CXXC5: variants seen among roughly 807,000 people sequenced by gnomAD.
CXXC5 encodes the protein CXXC-type zinc finger protein 5.
In CXXC5, 2 loss-of-function variants were observed where a neutral mutation model predicts 17.6. That is an observed-to-expected ratio of 0.11 (90% CI 0.05 to 0.36). The LOEUF (loss-of-function observed/expected upper bound fraction) is 0.36, where lower values mean the gene tolerates loss of function less well. Among genes scored for constraint, CXXC5 ranks in the 10% least tolerant of loss-of-function variants. The pLI is 1.00. For missense variants in CXXC5, 343 were observed against 458.3 expected, an observed-to-expected ratio of 0.75 and a Z score of 2.30; for synonymous variants, 171 against 193.0, an observed-to-expected ratio of 0.89 and a Z score of 0.94.
intron 1 of CXXC5, chr5:139,649,307 T>TGGGGCAGCGGGCGCC (rs1418603939): frequency 6.6e-6 from 1 of 151,776 alleles, no homozygotes; most frequent in African/African-American, 2.4e-5. Flanking sequence ...TCGCGGGCGC[T>TGGGGCAGCGGGCGCC]GGGGCAGCGG....
rs1221112995 is a variant in CXXC5 at position 139,661,570 on chromosome 5, G to T, written c.-161+12725G>T. ...TACCTAGGCGAATGCACATACACAG[G>T]CACACATAGGCGTGCACACATAGGC... On this transcript the variant is annotated intron_variant, in intron 1 of 2. Coordinates refer to ENST00000302517, the MANE Select transcript of CXXC5 (RefSeq NM_016463.9). The surrounding 1 kb of genome is among the most constrained non-coding windows in gnomAD (Gnocchi z 4.7). Among the ~76,000 whole-genome samples the T allele has an allele frequency of 6.6e-6, 1 of 152,134 alleles. No homozygotes were observed. Among genetic ancestry groups the T allele is most frequent in the Non-Finnish European group, 1.5e-5 (1 of 68,022 alleles).
intron 1 of CXXC5, among the ~76,000 whole-genome samples, chr5:139,650,116 G>A (rs1222724434): frequency 6.6e-6 from 1 of 152,206 alleles, no homozygotes; most frequent in Non-Finnish European, 1.5e-5. Flanking sequence ...GAAGGGGTGC[G>A]CGGAGTTGGG....
In CXXC5 at chr5:139,658,671, C is replaced by T. The variant is rs1445085611; in HGVS notation, c.-161+9826C>T. Among the ~76,000 whole-genome samples, 2 of 152,222 alleles carry T rather than the reference C, an allele frequency of 1.3e-5. No homozygotes were observed. The highest frequency in any genetic ancestry group is 6.5e-5 in the Admixed American group (1 of 15,292). On this transcript the variant is annotated intron_variant, in intron 1 of 2. Coordinates refer to ENST00000302517, the MANE Select transcript of CXXC5 (RefSeq NM_016463.9). The surrounding 1 kb of genome is among the most constrained non-coding windows in gnomAD (Gnocchi z 4.1). ...CGTGAGGAGGAAATGCAGGCTGTTG[C>T]TTCCAGCAACAGCCGGCAGGGCCGG...
intron 1 of CXXC5, among the ~76,000 whole-genome samples, chr5:139,657,107 G>C (rs2126752726): frequency 6.6e-6 from 1 of 152,368 alleles, no homozygotes; most frequent in South Asian, 2.1e-4. Flanking sequence ...CAGGCACCAT[G>C]TTAACAGCTT....
At chr5:139,655,221 A>G (rs1336430848) in intron 1 of CXXC5, among the ~76,000 whole-genome samples, 2 of 152,066 alleles carry the variant, frequency 1.3e-5, no homozygotes, top group South Asian at 2.1e-4. Context: ...CCATCGCAGG[A>G]GGAGAGCTGG....
chr5:139,653,769 G>A (rs192867212), intron 1 of CXXC5, among the ~76,000 whole-genome samples: 162 of 152,142 alleles, frequency 1.1e-3, no homozygotes, highest in Non-Finnish European at 1.8e-3. Flanking sequence ...GCATTCTGCC[G>A]CCTAATCCCC....
chr5:139,664,622 C>G (rs1315826740), intron 1 of CXXC5, among the ~76,000 whole-genome samples: 1 of 152,176 alleles, frequency 6.6e-6, no homozygotes, highest in Non-Finnish European at 1.5e-5. Flanking sequence ...CTGTGCGAGT[C>G]TGCCCTGCGT....
At chr5:139,678,382 C>G (rs1756981287) in intron 1 of CXXC5, among the ~76,000 whole-genome samples, 1 of 152,186 alleles carries the variant, frequency 6.6e-6, no homozygotes, top group Non-Finnish European at 1.5e-5. Flanking sequence ...TCTGATGCCC[C>G]CCAACCCAGC....
intron 1 of CXXC5, among the ~76,000 whole-genome samples, chr5:139,656,528 C>T (rs1340924534): frequency 2.6e-5 from 4 of 152,230 alleles, no homozygotes; most frequent in African/African-American, 4.8e-5. Context: ...AGGGCCGTGC[C>T]TCCTGTCATT....
At chr5:139,678,625 GA>G (rs1291938192) in intron 1 of CXXC5, among the ~76,000 whole-genome samples, 2 of 152,194 alleles carry the variant, frequency 1.3e-5, no homozygotes, top group Non-Finnish European at 2.9e-5. Flanking sequence ...TAGTCCTGGG[GA>G]AGCCCCCCCT....
chr5:139,680,264 A>G (rs1757102776), intron 1 of CXXC5, 100 bp from the exon 2 acceptor site: 2 of 554,050 alleles, frequency 3.6e-6, no homozygotes, highest in South Asian at 4.7e-5. Context: ...GGTCAAGCAC[A>G]TGGTGGTCAG....
At position 139,683,296 on chromosome 5, in the gene CXXC5, T is replaced by C. The variant is rs1158865683; in HGVS notation, c.*389T>C. The C allele has an allele frequency of 6.0e-6, 1 of 166,590 alleles. No individual in the cohort carries two copies. The highest frequency in any genetic ancestry group is 1.3e-5 in the Non-Finnish European group (1 of 77,702). 10.3% of individuals were successfully genotyped at this position (166,590 alleles called of 1,614,324 possible). On this transcript the variant is annotated 3_prime_UTR_variant, in exon 3 of 3. Coordinates refer to ENST00000302517, the MANE Select transcript of CXXC5 (RefSeq NM_016463.9). ...GTAAATTTTCTGTAACCTTTTGAAA[T>C]CTAGTTACTAATAAGCACTACTGTA...
rs574419302 is a variant in CXXC5, at chr5:139,670,823, T to C, written c.-160-9541T>C. Among the ~76,000 whole-genome samples the C allele has an allele frequency of 1.3e-5, 2 of 150,824 alleles. No homozygotes were observed. Among genetic ancestry groups the C allele is most frequent in the South Asian group, 4.2e-4 (2 of 4,736 alleles). On this transcript the variant is annotated intron_variant, in intron 1 of 2. Transcript: ENST00000302517. The surrounding 1 kb of genome is among the most constrained non-coding windows in gnomAD (Gnocchi z 4.2). ...ATATATGCTTTAATGCTGTGGTCTGTAGAGGGCGACATCTTGAGACTACAC... is the reference window on the plus strand; with the variant it reads ...ATATATGCTTTAATGCTGTGGTCTGCAGAGGGCGACATCTTGAGACTACAC...
At chr5:139,659,110 A>G (rs1415140967) in intron 1 of CXXC5, among the ~76,000 whole-genome samples, 1 of 152,180 alleles carries the variant, frequency 6.6e-6, no homozygotes, top group Non-Finnish European at 1.5e-5. Flanking sequence ...CATCTGCAGA[A>G]TGGAGGTGGT....
chr5:139,673,028 A>AG (rs1756569510), intron 1 of CXXC5, among the ~76,000 whole-genome samples: 1 of 152,084 alleles, frequency 6.6e-6, no homozygotes, highest in South Asian at 2.1e-4. Flanking sequence ...GGAGGTCCTG[A>AG]GGGGGTACGT....
At chr5:139,666,707 TCAGAGAGCTG>T (rs1467863506) in intron 1 of CXXC5, among the ~76,000 whole-genome samples, 1 of 152,214 alleles carries the variant, frequency 6.6e-6, no homozygotes, top group Admixed American at 6.5e-5. Context: ...CAGATGCCAT[TCAGAGAGCTG>T]CGGAGAGGTG....
In CXXC5 at chr5:139,680,567, G is replaced by C. The variant is rs746259769; in HGVS notation, c.44G>C (p.Ser15Thr). Residue 15 changes from serine (S) to threonine (T), a missense_variant, in exon 2 of 3, where the codon AGC becomes ACC. By Grantham distance (58) the Ser-to-Thr change is moderately conservative (BLOSUM62 1). Coordinates refer to ENST00000302517, the MANE Select transcript of CXXC5 (RefSeq NM_016463.9). ...GGCTCCCAGGATGCCGGCGGCAGTA[G>C]CAGCAGCAGCACCAATGGCAGCGGT... ...GGGSQDAGGSSSSSTNGSGGS... is the reference protein window; with the variant it reads ...GGGSQDAGGSTSSSTNGSGGS... 15 of 1,589,090 alleles carry C rather than the reference G, an allele frequency of 9.4e-6. No individual in the cohort carries two copies. The East Asian group carries it at 3.3e-4, about 35-fold the overall frequency.
rs537800424 is a variant in CXXC5, at chr5:139,668,714, G to A, written c.-160-11650G>A. On this transcript the variant is annotated intron_variant, in intron 1 of 2. Coordinates refer to ENST00000302517, the MANE Select transcript of CXXC5 (RefSeq NM_016463.9). This position sits in a 1 kb window ranked among gnomAD's most constrained non-coding sequence, Gnocchi z 4.1. ...TGGCTTGGAGGCTCTCTTCAGTCTC[G>A]GGAGAGATATGCTTATCCCAGGCGG... 1.3e-3 allele frequency among the ~76,000 whole-genome samples: 199 copies of A among 152,318 alleles called. 1 individual carries two copies. Among genetic ancestry groups the A allele is most frequent in the African/African-American group, 3.9e-3 (164 of 41,570 alleles).
In CXXC5 at chr5:139,683,619, C is replaced by G. The variant is rs1444172944; in HGVS notation, c.*712C>G. The G allele has an allele frequency of 6.6e-6, 1 of 152,482 alleles. No homozygotes were observed. Among genetic ancestry groups the G allele is most frequent in the East Asian group, 1.9e-4 (1 of 5,196 alleles). The allele number at this position is 152,482 out of a possible 1,614,324, so 9.4% of individuals were successfully genotyped here. A position where few individuals can be genotyped will look rare whatever the true frequency, so the allele number is the denominator to read the frequency against. ...GTTCTGTTCGTTTATCCATTGCGATCTGGGGAGCCCCATCTCGATATTTCC... is the reference window on the plus strand; with the variant it reads ...GTTCTGTTCGTTTATCCATTGCGATGTGGGGAGCCCCATCTCGATATTTCC... On this transcript the variant is annotated 3_prime_UTR_variant, in exon 3 of 3. Transcript: ENST00000302517.
Sources: allele counts gnomAD v4.1 joint callset (sites outside exome capture counted in the v4.1 genomes callset), GRCh38; gene constraint gnomAD v4.1.1; non-coding constraint Gnocchi (gnomAD v3.1); transcripts MANE v1.5; gene names NCBI Gene and HGNC (gene_info 2026-07-23, HGNC 2026-07-21).